Variants in GPR158 observed in about 807,000 individuals in gnomAD.
GPR158 encodes the protein metabotropic glycine receptor.
GPR158 carries 30 observed loss-of-function variants against 78.2 expected under a neutral mutation model. The ratio of observed to expected loss-of-function variants is 0.38; its 90% CI spans 0.29 to 0.52. GPR158 has a LOEUF of 0.52. Among genes scored for constraint, GPR158 ranks in the 20% least tolerant of loss-of-function variants. The pLI, the probability that GPR158 is intolerant of heterozygous loss-of-function variation, is 0.83. For missense variants in GPR158, 1,463 were observed against 1,523.5 expected (o/e 0.96, Z 0.66); for synonymous variants, 581 against 591.1 (o/e 0.98, Z 0.25).
chr10:25,472,984 A>C (rs1488783702), intron 5 of GPR158, among the ~76,000 whole-genome samples: 1 of 152,092 alleles, frequency 6.6e-6, no homozygotes, highest in Non-Finnish European at 1.5e-5. Context: ...AGAACTTCCA[A>C]CACTATGTTG....
intron 2 of GPR158, among the ~76,000 whole-genome samples, chr10:25,283,240 A>T (rs1342783361): frequency 6.6e-6 from 1 of 152,032 alleles, no homozygotes; most frequent in Non-Finnish European, 1.5e-5. Flanking sequence ...TGTGCCTTTC[A>T]AGGAACTGGT....
intron 2 of GPR158, among the ~76,000 whole-genome samples, chr10:25,299,719 G>A (rs1434265837): frequency 2.0e-5 from 3 of 152,092 alleles, no homozygotes; most frequent in Non-Finnish European, 2.9e-5. Context: ...GTTTATACTC[G>A]TGTCTTTCTT....
chr10:25,342,325 C>G (rs1855314601), intron 2 of GPR158, among the ~76,000 whole-genome samples: 1 of 151,774 alleles, frequency 6.6e-6, no homozygotes, highest in South Asian at 2.1e-4. Context: ...ATTCCCCTTC[C>G]AAGCCTTGTT....
At chr10:25,539,769 T>G (rs917803381) in intron 5 of GPR158, among the ~76,000 whole-genome samples, 2 of 152,192 alleles carry the variant, frequency 1.3e-5, no homozygotes, top group African/African-American at 2.4e-5. Flanking sequence ...ATAGCCATTC[T>G]CATGTATGTG....
Position 25,598,420 on chromosome 10 carries a change from C to A in GPR158, c.2794C>A (p.Gln932Lys). The change falls in exon 11 of 11, where the codon CAG becomes AAG. Residue 932 changes from glutamine to lysine, a missense_variant. Coordinates refer to ENST00000376351, the MANE Select transcript of GPR158 (RefSeq NM_020752.3). ...TAGVEERTKS[Q>K]KPLPKDKETN... ...AGGTGTGGAAGAACGCACTAAATCC[C>A]AGAAACCTTTGCCAAAAGATAAAGA... The A allele has an allele frequency of 6.2e-7, 1 of 1,614,016 alleles. No individual in the cohort carries two copies. Among genetic ancestry groups the A allele is most frequent in the Non-Finnish European group, 8.5e-7 (1 of 1,180,004 alleles).
chr10:25,176,127 G>C lies in GPR158; in HGVS notation c.707G>C (p.Arg236Pro). 1 of 1,572,778 alleles carries C rather than the reference G, an allele frequency of 6.4e-7. No homozygotes were observed. Among genetic ancestry groups the C allele is most frequent in the Non-Finnish European group, 8.6e-7 (1 of 1,160,458 alleles). The part of the protein sequence containing the change: ...LRRKWRPHLH[R>P]RGPNQGPRGL... ...CGCAAGTGGAGGCCCCACTTACACC[G>C]CCGCGGCCCCAATCAGGGGCCCCGG... is the stretch of plus-strand genomic sequence containing the variant. Residue 236 changes from arginine to proline, a missense_variant, in exon 1 of 11, where the codon CGC (arginine) becomes CCC (proline). By Grantham distance (103) the Arg-to-Pro change is moderately radical. Transcript: ENST00000376351. This position sits in a 1 kb window ranked among gnomAD's most constrained non-coding sequence, Gnocchi z 6.3.
intron 2 of GPR158, among the ~76,000 whole-genome samples, chr10:25,236,484 G>A (rs185494286): frequency 0.016 from 2,475 of 152,198 alleles, 64 homozygotes; most frequent in African/African-American, 0.057. Flanking sequence ...CTCCAGCCTG[G>A]GCGACAGAGC....
intron 5 of GPR158, among the ~76,000 whole-genome samples, chr10:25,486,169 T>A: frequency 6.6e-6 from 1 of 152,136 alleles, no homozygotes; most frequent in East Asian, 1.9e-4. Flanking sequence ...AAGGCAGGGA[T>A]CATATAAACA....
intron 2 of GPR158, among the ~76,000 whole-genome samples, chr10:25,263,855 T>C (rs1233561191): frequency 6.6e-6 from 1 of 152,180 alleles, no homozygotes; most frequent in Non-Finnish European, 1.5e-5. Flanking sequence ...GAGAATTGCT[T>C]GAACCCAGGA....
chr10:25,426,559 G>A (rs1834826017), intron 4 of GPR158, among the ~76,000 whole-genome samples: 2 of 151,972 alleles, frequency 1.3e-5, no homozygotes, highest in Non-Finnish European at 2.9e-5. Context: ...CAGGGAATAG[G>A]GCCCAAGGAT....
At chr10:25,550,504 T>C (rs957181994) in intron 5 of GPR158, among the ~76,000 whole-genome samples, 1 of 152,080 alleles carries the variant, frequency 6.6e-6, no homozygotes, top group African/African-American at 2.4e-5. Context: ...AGAATGGCAG[T>C]GGGACTATCC....
chr10:25,594,372 C>G lies in GPR158; in HGVS notation c.1973C>G (p.Thr658Ser), dbSNP rs992470114. ...CATACTCATTTGACTGTGACAGTCACCATTGGGTTGCTTTTGATTCCAAAG... is the reference window on the plus strand; with the variant it reads ...CATACTCATTTGACTGTGACAGTCAGCATTGGGTTGCTTTTGATTCCAAAG... Reference protein sequence around the residue: ...FAHTHLTVTVTIGLLLIPKFS... With the variant: ...FAHTHLTVTVSIGLLLIPKFS... Residue 658 changes from threonine (T) to serine (S), a missense_variant, in exon 9 of 11, where the codon ACC becomes AGC. By Grantham distance (58) the Thr-to-Ser change is moderately conservative (BLOSUM62 1). Coordinates refer to ENST00000376351, the MANE Select transcript of GPR158 (RefSeq NM_020752.3). 3 of 1,555,754 alleles carry G rather than the reference C, an allele frequency of 1.9e-6. No homozygotes were observed. Among genetic ancestry groups the G allele is most frequent in the East Asian group, 2.3e-5 (1 of 44,180 alleles).
chr10:25,567,187 A>C (rs1836941530), intron 6 of GPR158, among the ~76,000 whole-genome samples: 1 of 152,166 alleles, frequency 6.6e-6, no homozygotes, highest in South Asian at 2.1e-4. Flanking sequence ...ACAAATGCAA[A>C]TGTTCTGAAA....
intron 2 of GPR158, among the ~76,000 whole-genome samples, chr10:25,248,831 G>GT (rs1248762772): frequency 6.6e-6 from 1 of 151,566 alleles, no homozygotes; most frequent in Non-Finnish European, 1.5e-5. Context: ...CTTTAAAGTA[G>GT]TTTTTTCCAA....
At chr10:25,223,699 G>A (rs150518378) in intron 2 of GPR158, among the ~76,000 whole-genome samples, 55 of 152,152 alleles carry the variant, frequency 3.6e-4, no homozygotes, top group African/African-American at 1.3e-3. Context: ...CCCAAGGATC[G>A]CTGTGTAAAC....
chr10:25,505,429 G>C (rs1156360570), intron 5 of GPR158, among the ~76,000 whole-genome samples: 1 of 152,040 alleles, frequency 6.6e-6, no homozygotes, highest in Non-Finnish European at 1.5e-5. Flanking sequence ...GGTCCACCTC[G>C]GTGTCTGCAT....
At chr10:25,508,442 A>G (rs1186890573) in intron 5 of GPR158, among the ~76,000 whole-genome samples, 8 of 152,182 alleles carry the variant, frequency 5.3e-5, no homozygotes, top group Non-Finnish European at 1.0e-4. Flanking sequence ...CATATATTCT[A>G]TGTTCATTTT....
At chr10:25,452,435 C>T (rs2130602638) in intron 4 of GPR158, among the ~76,000 whole-genome samples, 1 of 152,244 alleles carries the variant, frequency 6.6e-6, no homozygotes, top group Admixed American at 6.5e-5. Flanking sequence ...GAAAAAACTA[C>T]AGTAAATGGA....
rs188793037 is a variant in GPR158 at position 25,360,172 on chromosome 10, G to T, written c.1009-35739G>T. On this transcript the variant is annotated intron_variant, in intron 2 of 10. Coordinates refer to ENST00000376351, the MANE Select transcript of GPR158 (RefSeq NM_020752.3). The stretch of plus-strand genomic sequence containing the variant: ...ATATTAGCCCTTTGTCAGATGGATA[G>T]ATTGTAAAAATTTTCTCCCATTCTG... Among the ~76,000 whole-genome samples, 878 of 152,244 alleles carry T rather than the reference G, an allele frequency of 5.8e-3. 7 individuals carry two copies. The highest frequency in any genetic ancestry group is 0.02 in the African/African-American group (834 of 41,566).
Sources: gnomAD v4.1 joint callset for allele counts (sites outside exome capture counted in the v4.1 genomes callset) on GRCh38, gnomAD v4.1.1 for gene constraint, Gnocchi (gnomAD v3.1) non-coding constraint, MANE v1.5 for transcripts, NCBI Gene and HGNC (gene_info 2026-07-23, HGNC 2026-07-21) for gene names.